Variants in GPI observed in about 807,000 individuals in gnomAD.
The protein encoded by GPI is D-hexose-6-phosphate anomerase.
A neutral mutation model predicts 75.8 loss-of-function variants in GPI; 56 were observed. The observed-to-expected ratio is 0.74, with a 90% CI of 0.60 to 0.92. GPI has a LOEUF of 0.92. GPI is among the 40% of genes least tolerant of loss of function. The pLI is 0.00. For synonymous variants in GPI, 288 were observed against 285.4 expected (o/e 1.01, Z -0.09); for missense variants, 638 against 741.0 (o/e 0.86, Z 1.61).
At chr19:34,364,276 T>G (rs1373381721), upstream of GPI, among the ~76,000 whole-genome samples, 1 of 152,014 alleles carries the variant, frequency 6.6e-6, no homozygotes, top group African/African-American at 2.4e-5. Flanking sequence ...CTATCCCACC[T>G]CCCAAAGTGC....
intron 4 of GPI, among the ~76,000 whole-genome samples, chr19:34,375,342 G>T (rs1599819137): frequency 6.6e-6 from 1 of 151,928 alleles, no homozygotes; most frequent in Non-Finnish European, 1.5e-5. Context: ...CAGAGACGGG[G>T]TTTCACCATG....
chr19:34,392,344 G>A (rs969267034), intron 9 of GPI: 2 of 24,152 alleles, frequency 8.3e-5, no homozygotes, highest in Non-Finnish European at 2.0e-4. Flanking sequence ...TGTATCTGAG[G>A]AAGTAGGATC....
chr19:34,361,608 C>G (rs150882500), upstream of GPI, among the ~76,000 whole-genome samples: 4 of 152,240 alleles, frequency 2.6e-5, no homozygotes, highest in African/African-American at 9.6e-5. Flanking sequence ...TTAGACTTTT[C>G]TTCTTACTTT....
chr19:34,378,605 G>A (rs143115238), intron 6 of GPI, among the ~76,000 whole-genome samples: 79 of 152,256 alleles, frequency 5.2e-4, no homozygotes, highest in Non-Finnish European at 9.3e-4. Flanking sequence ...TCACATGAAT[G>A]TACATAAAAT....
At chr19:34,387,317 C>T (rs150550483) in intron 9 of GPI, among the ~76,000 whole-genome samples, 8 of 151,848 alleles carry the variant, frequency 5.3e-5, no homozygotes, top group Admixed American at 2.6e-4. Flanking sequence ...GTGAGTCTGC[C>T]GATGCAGGCT....
At chr19:34,368,789 C>A in intron 4 of GPI, 87 bp downstream of exon 4, 1 of 1,481,614 alleles carries the variant, frequency 6.7e-7, no homozygotes, top group Non-Finnish European at 9.4e-7. Context: ...GCTCTTCCCT[C>A]TTCTTGTAGG....
chr19:34,401,817 A>C lies in GPI; in HGVS notation c.*1781A>C, dbSNP rs182430954. ...GTACACCCAGCTCATTTAAAAAAAA[A>C]TTTTTTTCTTTTTTGAGAGTCTTGC... On this transcript the variant is annotated 3_prime_UTR_variant, in exon 18 of 18. Coordinates refer to ENST00000356487, the MANE Select transcript of GPI (RefSeq NM_000175.5). The C allele has an allele frequency of 6.6e-6, 1 of 151,882 alleles. No individual in the cohort carries two copies. The highest frequency in any genetic ancestry group is 2.4e-5 in the African/African-American group (1 of 41,312). 9.4% of individuals were successfully genotyped at this position (151,882 alleles called of 1,614,324 possible). A position where few individuals can be genotyped will look rare whatever the true frequency, so the allele number is the denominator to read the frequency against.
chr19:34,381,303 C>G, intron 8 of GPI, 163 bp from the exon 9 acceptor site: 1 of 705,318 alleles, frequency 1.4e-6, no homozygotes, highest in Admixed American at 2.0e-5. Flanking sequence ...ATCCTGGGCC[C>G]TGCCCTCGAC....
At chr19:34,398,817 C>T (rs961356332) in intron 14 of GPI, 8 of 196,138 alleles carry the variant, frequency 4.1e-5, no homozygotes, top group South Asian at 1.8e-4. Flanking sequence ...AGGTGATTCT[C>T]CTGCCTCAGC....
chr19:34,366,819 A>G lies in GPI; in HGVS notation c.250A>G (p.Met84Val). 6.2e-7 allele frequency: 1 copy of G among 1,613,714 alleles called. No homozygotes were observed. The highest frequency in any genetic ancestry group is 8.5e-7 in the Non-Finnish European group (1 of 1,179,856). Residue 84 changes from methionine to valine, a missense_variant, in exon 3 of 18, where the codon ATG becomes GTG. By Grantham distance (21) the Met-to-Val change is conservative (BLOSUM62 1). Coordinates refer to ENST00000356487, the MANE Select transcript of GPI (RefSeq NM_000175.5). ...SRGVEAARER[M>V]FNGEKINYTE... The stretch of plus-strand genomic sequence containing the variant: ...GGGCGTGGAGGCCGCCCGGGAGCGG[A>G]TGTTCAATGGTGAGAAGATCAACTA...
chr19:34,365,841 G>T (rs1275861872), intron 1 of GPI: 2 of 471,326 alleles, frequency 4.2e-6, no homozygotes, highest in Non-Finnish European at 4.2e-6. Context: ...CTGGGTGGAA[G>T]GATGGAGACG....
chr19:34,396,251 T>C, intron 12 of GPI, 50 bp from the exon 13 acceptor site: 1 of 1,610,622 alleles, frequency 6.2e-7, no homozygotes, highest in Non-Finnish European at 8.5e-7. Context: ...TTCTTTCTTT[T>C]TAAATGTTCT....
rs772452362 is a variant in GPI at position 34,377,870 on chromosome 19, A to G, written c.622A>G (p.Ile208Val). Residue 208 changes from isoleucine to valine, a missense_variant, in exon 6 of 18, where the codon ATT becomes GTT. By Grantham distance (29) the Ile-to-Val change is conservative. Coordinates refer to ENST00000356487, the MANE Select transcript of GPI (RefSeq NM_000175.5). Reference sequence around the variant, plus strand: ...GAACCCCGAGTCCTCCCTGTTCATCATTGCCTCCAAGGTATGAGTGCCGAA... The same window carrying G: ...GAACCCCGAGTCCTCCCTGTTCATCGTTGCCTCCAAGGTATGAGTGCCGAA... The part of the protein sequence containing the change: ...QLNPESSLFI[I>V]ASKTFTTQET... 9.3e-6 allele frequency: 15 copies of G among 1,613,870 alleles called. No homozygotes were observed. The highest frequency in any genetic ancestry group is 1.3e-5 in the Non-Finnish European group (15 of 1,179,984).
chr19:34,365,174 C>A, upstream of GPI: 2 of 1,266,894 alleles, frequency 1.6e-6, no homozygotes, highest in Admixed American at 4.0e-5. Context: ...GCCATAAAGG[C>A]CGCCGCGCGC....
chr19:34,371,759 G>A (rs557734353), intron 4 of GPI, among the ~76,000 whole-genome samples: 1 of 151,510 alleles, frequency 6.6e-6, no homozygotes, highest in East Asian at 2.0e-4. Flanking sequence ...GGAGGCTGAG[G>A]CAGGAGAATC....
chr19:34,378,307 G>A (rs2074582059), intron 6 of GPI, among the ~76,000 whole-genome samples: 1 of 152,118 alleles, frequency 6.6e-6, no homozygotes, highest in South Asian at 2.1e-4. Flanking sequence ...CGATTCTCCT[G>A]CCTCAGCCTC....
At chr19:34,394,637 G>C (rs923220876) in intron 12 of GPI, among the ~76,000 whole-genome samples, 4 of 151,730 alleles carry the variant, frequency 2.6e-5, no homozygotes, top group African/African-American at 9.7e-5. Context: ...TCTCCCTTGG[G>C]ATCTCCAGAG....
At chr19:34,366,158 G>A in intron 1 of GPI, 187 bp from the exon 2 acceptor site, 1 of 699,518 alleles carries the variant, frequency 1.4e-6, no homozygotes, top group Non-Finnish European at 2.6e-6. Context: ...TTCTTTCTCT[G>A]GGCTGCTGTT....
At chr19:34,389,275 G>A (rs1202850960) in intron 9 of GPI, among the ~76,000 whole-genome samples, 1 of 152,068 alleles carries the variant, frequency 6.6e-6, no homozygotes, top group Non-Finnish European at 1.5e-5. Flanking sequence ...CGGCCACACT[G>A]GAGAGCTCCC....
Sources: allele counts gnomAD v4.1 joint callset (sites outside exome capture counted in the v4.1 genomes callset), GRCh38; gene constraint gnomAD v4.1.1; transcripts MANE v1.5; gene names NCBI Gene and HGNC (gene_info 2026-07-23, HGNC 2026-07-21).